The following TP63 variants were observed in gnomAD, a reference collection of about 807,000 sequenced individuals.
The protein encoded by TP63 is tumor protein 63.
In TP63, 17 loss-of-function variants were observed where a neutral mutation model predicts 82.8. That is an observed-to-expected ratio of 0.21 (90% CI 0.14 to 0.31). The LOEUF (loss-of-function observed/expected upper bound fraction) is 0.31. TP63 is among the 10% of genes least tolerant of loss of function. TP63 has a pLI of 1.00. For missense variants in TP63, 648 were observed against 895.3 expected (o/e 0.72, Z 3.52); for synonymous variants, 330 against 321.7 (o/e 1.03, Z -0.28).
chr3:189,895,632 T>A lies in TP63; in HGVS notation c.*1130T>A, dbSNP rs1721409421. The A allele has an allele frequency of 8.8e-6, 2 of 226,220 alleles. No homozygotes were observed. The highest frequency in any genetic ancestry group is 5.7e-5 in the Admixed American group (1 of 17,568). The allele number at this position is 226,220 out of a possible 1,614,324, so 14.0% of individuals were successfully genotyped here. ...TGTACTAAACAGTAAGATATCTCAATGAACCATAAATTCAACTTTGTAAAA... is the reference window on the plus strand; with the variant it reads ...TGTACTAAACAGTAAGATATCTCAAAGAACCATAAATTCAACTTTGTAAAA... On this transcript the variant is annotated 3_prime_UTR_variant, in exon 14 of 14. Transcript: ENST00000264731.
intron 3 of TP63, among the ~76,000 whole-genome samples, chr3:189,782,025 T>C (rs1451950470): frequency 2.0e-4 from 30 of 152,148 alleles, no homozygotes; most frequent in Admixed American, 1.9e-3. Flanking sequence ...GCAGGGGAAG[T>C]GTCTTGCTTC....
intron 4 of TP63, among the ~76,000 whole-genome samples, chr3:189,838,162 T>TTCTTCCTTCTTACCTCCCTTCCTC (rs1326436314): frequency 5.3e-5 from 8 of 152,106 alleles, no homozygotes; most frequent in Non-Finnish European, 7.3e-5. Context: ...CCTTTTCTCT[T>TTCTTCCTTCTTACCTCCCTTCCTC]TCTTCCTTCT....
intron 1 of TP63, among the ~76,000 whole-genome samples, chr3:189,701,898 C>T (rs1191957405): frequency 6.6e-6 from 1 of 152,114 alleles, no homozygotes; most frequent in Non-Finnish European, 1.5e-5. Flanking sequence ...TGTTTCTAAT[C>T]TTTTCTTTCT....
In TP63 at chr3:189,631,500, A is replaced by G; in HGVS notation, c.-16A>G. 1 of 1,612,494 alleles carries G rather than the reference A, an allele frequency of 6.2e-7. No individual in the cohort carries two copies. The highest frequency in any genetic ancestry group is 8.5e-7 in the Non-Finnish European group (1 of 1,178,842). ...AATTGTTCTCCGTTCGTTGATATCA[A>G]AGACAGTTGAAGGAAATGAATTTTG... On this transcript the variant is annotated 5_prime_UTR_variant, in exon 1 of 14. Transcript: ENST00000264731.
intron 4 of TP63, among the ~76,000 whole-genome samples, chr3:189,834,067 G>A (rs1456677577): frequency 2.0e-5 from 3 of 152,296 alleles, no homozygotes; most frequent in South Asian, 2.1e-4. Flanking sequence ...TTTGAAGGTT[G>A]AGAGACATGA....
At chr3:189,849,168 C>G (rs983863814) in intron 4 of TP63, among the ~76,000 whole-genome samples, 1 of 152,208 alleles carries the variant, frequency 6.6e-6, no homozygotes, top group Admixed American at 6.5e-5. Context: ...ACCTCTCCCC[C>G]CATACCACTC....
At chr3:189,611,330 A>G in the TP63 span, among the ~76,000 whole-genome samples, 1 of 152,170 alleles carries the variant, frequency 6.6e-6, no homozygotes, top group African/African-American at 2.4e-5. Flanking sequence ...ATATGGTTTA[A>G]GGAAGGAGTT....
At chr3:189,779,595 T>G (rs1298772174) in intron 3 of TP63, among the ~76,000 whole-genome samples, 1 of 152,250 alleles carries the variant, frequency 6.6e-6, no homozygotes, top group African/African-American at 2.4e-5. Context: ...TGCACAATGT[T>G]CAGGCATGCG....
At position 189,895,152 on chromosome 3, in the gene TP63, A is replaced by G; in HGVS notation, c.*650A>G. ...TATGTAGGTAAGACTGTAGATATGT[A>G]TTCTTTTCTCAGTGTTGGTATATTT... On this transcript the variant is annotated 3_prime_UTR_variant, in exon 14 of 14. Transcript: ENST00000264731. 4.5e-6 allele frequency: 1 copy of G among 220,840 alleles called. No homozygotes were observed. The highest frequency in any genetic ancestry group is 6.7e-5 in the East Asian group (1 of 15,002). 13.7% of individuals were successfully genotyped at this position (220,840 alleles called of 1,614,324 possible). A position where few individuals can be genotyped will look rare whatever the true frequency, so the allele number is the denominator to read the frequency against.
chr3:189,865,036 A>G (rs920581845), intron 5 of TP63, among the ~76,000 whole-genome samples: 5 of 152,018 alleles, frequency 3.3e-5, no homozygotes, highest in Admixed American at 6.6e-5. Flanking sequence ...AAAAAAAATA[A>G]GAGGGTGCCA....
At chr3:189,702,139 T>C (rs1577267241) in intron 1 of TP63, among the ~76,000 whole-genome samples, 1 of 152,248 alleles carries the variant, frequency 6.6e-6, no homozygotes, top group East Asian at 1.9e-4. Flanking sequence ...GTTTTTCTGG[T>C]TCTGGAGCTG....
At chr3:189,739,061 C>T (rs1720796166) in intron 3 of TP63, among the ~76,000 whole-genome samples, 1 of 152,108 alleles carries the variant, frequency 6.6e-6, no homozygotes, top group African/African-American at 2.4e-5. Context: ...AAAGATGGTA[C>T]CAGCTCAAGG....
At chr3:189,612,862 G>T in the TP63 span, among the ~76,000 whole-genome samples, 1 of 152,170 alleles carries the variant, frequency 6.6e-6, no homozygotes, top group Non-Finnish European at 1.5e-5. Flanking sequence ...TTTTGCCCTT[G>T]CCCTAGACAT....
intron 1 of TP63, among the ~76,000 whole-genome samples, chr3:189,681,239 C>A (rs890350149): frequency 1.3e-5 from 2 of 150,890 alleles, no homozygotes; most frequent in African/African-American, 4.9e-5. Flanking sequence ...TAATCTTTCA[C>A]CTGGTTTTCT....
chr3:189,710,561 T>C (rs1718517360), intron 1 of TP63, among the ~76,000 whole-genome samples: 1 of 152,226 alleles, frequency 6.6e-6, no homozygotes, highest in Admixed American at 6.5e-5. Context: ...TATTTTATCT[T>C]GCTGATTTGT....
chr3:189,623,677 A>G, the TP63 span, among the ~76,000 whole-genome samples: 14 of 152,208 alleles, frequency 9.2e-5, no homozygotes, highest in Non-Finnish European at 1.9e-4. Context: ...TCAGCTATCA[A>G]ATCAATGAGT....
the TP63 span, among the ~76,000 whole-genome samples, chr3:189,597,956 A>G: frequency 7.2e-5 from 11 of 151,958 alleles, no homozygotes; most frequent in Admixed American, 5.9e-4. Context: ...TAGAATTAAT[A>G]TTTTGAAAAA....
intron 1 of TP63, among the ~76,000 whole-genome samples, chr3:189,661,017 G>A (rs570037231): frequency 2.0e-5 from 3 of 151,926 alleles, no homozygotes; most frequent in Non-Finnish European, 4.4e-5. Flanking sequence ...AATCATATCA[G>A]CAAAGAGAGA....
intron 1 of TP63, among the ~76,000 whole-genome samples, chr3:189,678,523 C>A (rs1210065171): frequency 6.6e-6 from 1 of 151,990 alleles, no homozygotes; most frequent in Non-Finnish European, 1.5e-5. Context: ...AACATGAAAT[C>A]TCCGGCTTTG....
Sources: gnomAD v4.1 joint callset for allele counts (sites outside exome capture counted in the v4.1 genomes callset) on GRCh38, gnomAD v4.1.1 for gene constraint, MANE v1.5 for transcripts, NCBI Gene and HGNC (gene_info 2026-07-23, HGNC 2026-07-21) for gene names.